Variants in DYNC1I1 observed in about 807,000 individuals in gnomAD.
DYNC1I1 encodes the protein dynein cytoplasmic 1 intermediate chain 1, also known as cytoplasmic dynein 1 intermediate chain 1.
Under a neutral mutation model 86.6 loss-of-function variants are expected in DYNC1I1, and 43 were observed. The ratio of observed to expected loss-of-function variants is 0.50; its 90% CI spans 0.39 to 0.64. The LOEUF is 0.64. DYNC1I1 is among the 30% of genes least tolerant of loss of function. The pLI is 0.00. For missense variants in DYNC1I1, 604 were observed against 788.8 expected, an observed-to-expected ratio of 0.77 and a Z score of 2.81; for synonymous variants, 262 against 283.7, an observed-to-expected ratio of 0.92 and a Z score of 0.77.
At chr7:95,814,463 C>G (rs1019453651) in intron 4 of DYNC1I1, among the ~76,000 whole-genome samples, 1 of 152,168 alleles carries the variant, frequency 6.6e-6, no homozygotes, top group African/African-American at 2.4e-5. Flanking sequence ...CTTTCCAGTC[C>G]TTGTCTGTGT....
intron 14 of DYNC1I1, among the ~76,000 whole-genome samples, chr7:96,054,911 A>AGGCT (rs758617824): frequency 3.0e-4 from 46 of 152,130 alleles, no homozygotes; most frequent in Non-Finnish European, 6.3e-4. Context: ...CCCATTCTGT[A>AGGCT]GGCTGCCTGT....
chr7:95,996,046 C>G lies in DYNC1I1; in HGVS notation c.942C>G (p.Thr314=), dbSNP rs778710835. The change falls in exon 10 of 17, where the codon ACC becomes ACG. Residue 314 remains threonine, a synonymous_variant. Coordinates refer to ENST00000447467, the MANE Select transcript of DYNC1I1 (RefSeq NM_001135556.2). ...ALVWNMKFKK[T]TPEYVFHCQS... ...TTTGGAACATGAAGTTTAAGAAAAC[C>G]ACACCAGAATACGTCTTCCACTGTC... The G allele has an allele frequency of 6.2e-7, 1 of 1,613,962 alleles. No individual in the cohort carries two copies. Among genetic ancestry groups the G allele is most frequent in the Non-Finnish European group, 8.5e-7 (1 of 1,179,942 alleles).
intron 10 of DYNC1I1, among the ~76,000 whole-genome samples, chr7:96,021,800 G>A (rs1027496807): frequency 2.0e-5 from 3 of 152,124 alleles, no homozygotes; most frequent in Admixed American, 2.0e-4. Flanking sequence ...TTAGCGTAAT[G>A]ATTTCAAGGT....
At chr7:96,069,025 C>A (rs943822777) in intron 14 of DYNC1I1, among the ~76,000 whole-genome samples, 2 of 152,144 alleles carry the variant, frequency 1.3e-5, no homozygotes, top group Non-Finnish European at 2.9e-5. Flanking sequence ...CTTTTCAAGG[C>A]TTCCAGGCCC....
At chr7:95,982,589 A>G (rs896943419) in intron 7 of DYNC1I1, among the ~76,000 whole-genome samples, 4 of 152,226 alleles carry the variant, frequency 2.6e-5, no homozygotes, top group African/African-American at 9.6e-5. Flanking sequence ...AAGTGGCTCA[A>G]AAAGATAAAC....
chr7:95,799,592 C>A (rs964526220), intron 1 of DYNC1I1, among the ~76,000 whole-genome samples: 6 of 148,992 alleles, frequency 4.0e-5, no homozygotes, highest in African/African-American at 1.5e-4. Flanking sequence ...GAGAAGTTTT[C>A]TTTTTTTTTA....
At chr7:96,103,909 G>A (rs1372090727) in intron 16 of DYNC1I1, among the ~76,000 whole-genome samples, 3 of 152,156 alleles carry the variant, frequency 2.0e-5, no homozygotes, top group African/African-American at 7.2e-5. Context: ...ACCGCACCAG[G>A]CCTCTATGTG....
chr7:95,781,977 G>A (rs933853970), intron 1 of DYNC1I1, among the ~76,000 whole-genome samples: 6 of 152,156 alleles, frequency 3.9e-5, no homozygotes, highest in South Asian at 2.1e-4. Context: ...GCCAACCTCA[G>A]TGGACCAACA....
intron 5 of DYNC1I1, among the ~76,000 whole-genome samples, chr7:95,844,058 A>T (rs983435801): frequency 6.6e-6 from 1 of 152,178 alleles, no homozygotes; most frequent in East Asian, 1.9e-4. Flanking sequence ...CCATGAGATT[A>T]CCAGTCTTCC....
chr7:95,872,937 G>A (rs1229002348), intron 6 of DYNC1I1, among the ~76,000 whole-genome samples: 1 of 152,196 alleles, frequency 6.6e-6, no homozygotes, highest in African/African-American at 2.4e-5. Context: ...TAGTGAGTGA[G>A]TGCATGGCTT....
chr7:95,873,669 T>C (rs1013874311), intron 6 of DYNC1I1, among the ~76,000 whole-genome samples: 6 of 152,128 alleles, frequency 3.9e-5, no homozygotes, highest in African/African-American at 1.4e-4. Context: ...TGATGCTCCA[T>C]GTTGAAGGTG....
At chr7:96,052,347 T>C (rs2116113460) in intron 14 of DYNC1I1, among the ~76,000 whole-genome samples, 1 of 151,954 alleles carries the variant, frequency 6.6e-6, no homozygotes, top group South Asian at 2.1e-4. Flanking sequence ...GGAAATTTAG[T>C]TAGGTAAAGG....
chr7:95,942,138 G>A (rs1792243639), intron 6 of DYNC1I1, among the ~76,000 whole-genome samples: 1 of 152,058 alleles, frequency 6.6e-6, no homozygotes. Flanking sequence ...GACTAATAAA[G>A]AAGAAAAGAG....
Position 96,080,454 on chromosome 7 carries a change from C to G in DYNC1I1, c.1742C>G (p.Ser581Trp), listed in dbSNP as rs748195049. The G allele has an allele frequency of 3.7e-6, 6 of 1,613,960 alleles. No homozygotes were observed. The African/African-American group carries it at 8.0e-5, about 22-fold the overall frequency. ...QAGKEVAVGDSEGRIWVYDVG... is the reference protein window; with the variant it reads ...QAGKEVAVGDWEGRIWVYDVG... ...GGCAAAGAAGTTGCTGTTGGGGACT[C>G]GGAAGGCCGTATTTGGGTCTATGAC... Residue 581 changes from serine to tryptophan, a missense_variant, in exon 16 of 17, where the codon TCG becomes TGG. Ser to Trp is a radical substitution (Grantham distance 177). Coordinates refer to ENST00000447467, the MANE Select transcript of DYNC1I1 (RefSeq NM_001135556.2).
intron 16 of DYNC1I1, 113 bp downstream of exon 16, chr7:96,080,601 T>C: frequency 3.2e-6 from 5 of 1,573,370 alleles, no homozygotes; most frequent in Non-Finnish European, 4.4e-6. Flanking sequence ...CTAACGTGCT[T>C]GTAAATTTCC....
intron 1 of DYNC1I1, among the ~76,000 whole-genome samples, chr7:95,789,498 T>G (rs1361220720): frequency 6.6e-6 from 1 of 152,242 alleles, no homozygotes; most frequent in Non-Finnish European, 1.5e-5. Flanking sequence ...TATGTTTTTT[T>G]CTCTTTAATC....
chr7:96,035,497 G>A (rs974779391), intron 12 of DYNC1I1, 122 bp from the exon 13 acceptor site: 15 of 1,300,714 alleles, frequency 1.2e-5, no homozygotes, highest in East Asian at 5.5e-5. Flanking sequence ...TGGCACAGCC[G>A]GGGTCTTTTG....
rs575018502 is a variant in DYNC1I1, at chr7:95,933,040, T to C, written c.491-44472T>C. On this transcript the variant is annotated intron_variant, in intron 6 of 16. Transcript: ENST00000447467. ...GGCCTGCAGGCTTGTGTCATCACAC[T>C]TGGCTAATTTTTAAATGTTTTAGTA... Among the ~76,000 whole-genome samples the C allele has an allele frequency of 9.0e-4, 136 of 151,916 alleles. 1 individual carries two copies. The highest frequency in any genetic ancestry group is 1.6e-3 in the Non-Finnish European group (107 of 67,920).
intron 6 of DYNC1I1, among the ~76,000 whole-genome samples, chr7:95,871,805 A>G (rs999756388): frequency 6.6e-6 from 1 of 152,200 alleles, no homozygotes; most frequent in Non-Finnish European, 1.5e-5. Context: ...GCAGCAGGAA[A>G]GGGGGAATTT....
Sources: gnomAD v4.1 joint callset for allele counts (sites outside exome capture counted in the v4.1 genomes callset) on GRCh38, gnomAD v4.1.1 for gene constraint, MANE v1.5 for transcripts, NCBI Gene and HGNC (gene_info 2026-07-23, HGNC 2026-07-21) for gene names.